The following ADAM18 variants were observed in gnomAD, a reference collection of about 807,000 sequenced individuals.
The protein encoded by ADAM18 is disintegrin and metalloproteinase domain-containing protein 18.
ADAM18 carries 117 observed loss-of-function variants against 94.4 expected under a neutral mutation model. The observed-to-expected ratio is 1.24, with a 90% CI of 1.07 to 1.45. The LOEUF is 1.45. Among genes scored for constraint, ADAM18 ranks in the 40% most tolerant of loss-of-function variants. The pLI is 0.00. For synonymous variants in ADAM18, 327 were observed against 291.6 expected (o/e 1.12, Z -1.24); for missense variants, 936 against 880.0 (o/e 1.06, Z -0.81).
At chr8:39,618,011 C>A (rs1173206408) in intron 6 of ADAM18, among the ~76,000 whole-genome samples, 1 of 152,134 alleles carries the variant, frequency 6.6e-6, no homozygotes, top group African/African-American at 2.4e-5. Flanking sequence ...GTTAATAAAA[C>A]CAGAAACCCT....
At chr8:39,705,804 G>T (rs1586000346) in intron 17 of ADAM18, among the ~76,000 whole-genome samples, 1 of 152,064 alleles carries the variant, frequency 6.6e-6, no homozygotes, top group Non-Finnish European at 1.5e-5. Context: ...GAAAATTACA[G>T]GGAATACTTA....
intron 9 of ADAM18, 73 bp from the exon 10 acceptor site, chr8:39,638,392 A>C (rs1332963278): frequency 4.0e-6 from 4 of 993,310 alleles, no homozygotes; most frequent in Non-Finnish European, 5.8e-6. Flanking sequence ...TTATGTGAAG[A>C]AGGTTTAATT....
At chr8:39,602,731 TA>T (rs1199472532) in intron 2 of ADAM18, among the ~76,000 whole-genome samples, 1 of 152,182 alleles carries the variant, frequency 6.6e-6, no homozygotes, top group Non-Finnish European at 1.5e-5. Flanking sequence ...GATTTCCAAA[TA>T]TTTTTCCCTG....
intron 18 of ADAM18, among the ~76,000 whole-genome samples, chr8:39,717,788 A>C (rs989330299): frequency 7.3e-5 from 11 of 151,712 alleles, no homozygotes; most frequent in African/African-American, 2.7e-4. Flanking sequence ...GAGTGGGAGA[A>C]AATATTTGCA....
At chr8:39,614,944 C>T (rs181200112) in intron 6 of ADAM18, among the ~76,000 whole-genome samples, 1 of 152,080 alleles carries the variant, frequency 6.6e-6, no homozygotes, top group African/African-American at 2.4e-5. Context: ...CTGGCACGCC[C>T]AGATTCATAA....
At chr8:39,594,793 GTTT>G (rs71237182) in intron 2 of ADAM18, among the ~76,000 whole-genome samples, 114 of 46,872 alleles carry the variant, frequency 2.4e-3, no homozygotes, top group African/African-American at 8.2e-3. Context: ...TTTGCTGTGA[GTTT>G]TTTTTTTTTT....
intron 6 of ADAM18, among the ~76,000 whole-genome samples, chr8:39,623,507 ATTT>A (rs59705229): frequency 1.4e-5 from 2 of 148,100 alleles, no homozygotes; most frequent in Non-Finnish European, 1.5e-5. Context: ...ACATGCACAC[ATTT>A]TTTTTTTTTT....
intron 2 of ADAM18, among the ~76,000 whole-genome samples, chr8:39,589,053 G>GT (rs1185889393): frequency 1.3e-5 from 2 of 152,040 alleles, no homozygotes; most frequent in South Asian, 2.1e-4. Flanking sequence ...CAATCTTTCT[G>GT]TTTTTTTGGC....
At chr8:39,589,310 G>C (rs1818500941) in intron 2 of ADAM18, among the ~76,000 whole-genome samples, 1 of 152,038 alleles carries the variant, frequency 6.6e-6, no homozygotes, top group Non-Finnish European at 1.5e-5. Context: ...ATCTTACTCA[G>C]ACTATAGCCA....
At chr8:39,645,912 T>TA (rs1820362837) in intron 11 of ADAM18, among the ~76,000 whole-genome samples, 2 of 152,130 alleles carry the variant, frequency 1.3e-5, no homozygotes, top group Non-Finnish European at 2.9e-5. Flanking sequence ...ATTTGTAGCT[T>TA]TTTGCATGAG....
rs537766305 is a variant in ADAM18 at position 39,609,676 on chromosome 8, G to A, written c.344+115G>A. Reference sequence around the variant, plus strand: ...AGTTTAAGGGAAATCAAAATGGAAAGTTTTCTTTCTAACAGCTTTATTCTA... The same window carrying A: ...AGTTTAAGGGAAATCAAAATGGAAAATTTTCTTTCTAACAGCTTTATTCTA... On this transcript the variant is annotated intron_variant, in intron 5 of 19. Coordinates refer to ENST00000265707, the MANE Select transcript of ADAM18 (RefSeq NM_014237.3). 8 of 673,910 alleles carry A rather than the reference G, an allele frequency of 1.2e-5. No homozygotes were observed. In the African/African-American group the frequency reaches 1.4e-4, roughly 12 times the overall value. The allele number at this position is 673,910 out of a possible 1,614,324, so 41.7% of individuals were successfully genotyped here. A position where few individuals can be genotyped will look rare whatever the true frequency, so the allele number is the denominator to read the frequency against.
chr8:39,640,358 T>A (rs910055488), intron 10 of ADAM18, among the ~76,000 whole-genome samples: 30 of 152,104 alleles, frequency 2.0e-4, no homozygotes, highest in Non-Finnish European at 3.8e-4. Context: ...AAGGACATAA[T>A]CTCATTCCTT....
intron 14 of ADAM18, among the ~76,000 whole-genome samples, chr8:39,668,707 ATTC>A (rs1255662109): frequency 7.9e-5 from 12 of 152,118 alleles, no homozygotes; most frequent in Admixed American, 7.2e-4. Flanking sequence ...TTGTGCATAT[ATTC>A]TTGCTTTTCT....
At chr8:39,715,224 A>C (rs545177872) in intron 18 of ADAM18, among the ~76,000 whole-genome samples, 2 of 152,178 alleles carry the variant, frequency 1.3e-5, no homozygotes, top group Admixed American at 6.6e-5. Context: ...ATTCACAAAT[A>C]ACACATGGGT....
At chr8:39,652,437 A>C (rs997633913) in intron 12 of ADAM18, among the ~76,000 whole-genome samples, 1 of 152,224 alleles carries the variant, frequency 6.6e-6, no homozygotes, top group African/African-American at 2.4e-5. Context: ...CAGGTATATG[A>C]AAATATGCTC....
chr8:39,644,823 T>A (rs1293958632), intron 10 of ADAM18, among the ~76,000 whole-genome samples: 1 of 152,196 alleles, frequency 6.6e-6, no homozygotes. Flanking sequence ...AAATTTTCTA[T>A]TGGAGTACTT....
At chr8:39,700,073 C>A (rs1822022073) in intron 17 of ADAM18, among the ~76,000 whole-genome samples, 1 of 152,050 alleles carries the variant, frequency 6.6e-6, no homozygotes, top group African/African-American at 2.4e-5. Flanking sequence ...GTGATTTATG[C>A]CACTTTGATA....
intron 4 of ADAM18, 47 bp from the exon 5 acceptor site, chr8:39,609,438 T>C: frequency 1.5e-6 from 2 of 1,342,438 alleles, no homozygotes; most frequent in South Asian, 1.2e-5. Flanking sequence ...AATACATTTT[T>C]TATTCACAAC....
chr8:39,630,456 G>GA (rs1819902495), intron 7 of ADAM18, among the ~76,000 whole-genome samples: 1 of 151,578 alleles, frequency 6.6e-6, no homozygotes, highest in South Asian at 2.1e-4. Context: ...AATTGTTAAG[G>GA]AAAGTCTTCA....
Sources: allele counts gnomAD v4.1 joint callset (sites outside exome capture counted in the v4.1 genomes callset), GRCh38; gene constraint gnomAD v4.1.1; transcripts MANE v1.5; gene names NCBI Gene and HGNC (gene_info 2026-07-23, HGNC 2026-07-21).